Variants in GRIN3A observed in about 807,000 individuals in gnomAD.
The protein encoded by GRIN3A is glutamate ionotropic receptor NMDA type subunit 3A.
GRIN3A carries 47 observed loss-of-function variants against 92.4 expected under a neutral mutation model. The observed-to-expected ratio is 0.51, with a 90% CI of 0.40 to 0.65. The LOEUF is 0.65. Ranked by LOEUF, GRIN3A falls within the 30% of genes least tolerant of loss-of-function variation. The pLI is 0.00. For missense variants in GRIN3A, 1,324 were observed against 1,393.1 expected (o/e 0.95, Z 0.79); for synonymous variants, 527 against 540.6 (o/e 0.97, Z 0.35).
chr9:101,678,991 C>T (rs1438871396), intron 2 of GRIN3A, among the ~76,000 whole-genome samples: 1 of 152,170 alleles, frequency 6.6e-6, no homozygotes, highest in African/African-American at 2.4e-5. Context: ...TTGAACTGTT[C>T]CTGGTCACAC....
chr9:101,634,718 T>C (rs1828762191), intron 3 of GRIN3A, among the ~76,000 whole-genome samples: 1 of 152,184 alleles, frequency 6.6e-6, no homozygotes, highest in Non-Finnish European at 1.5e-5. Context: ...AATATATACC[T>C]ATCCAACTAA....
chr9:101,647,829 A>G (rs1473274828), intron 3 of GRIN3A, among the ~76,000 whole-genome samples: 1 of 151,784 alleles, frequency 6.6e-6, no homozygotes, highest in African/African-American at 2.4e-5. Context: ...TATCAGTTAC[A>G]ATGTCTCCTT....
At chr9:101,590,547 A>C (rs901312890) in intron 6 of GRIN3A, among the ~76,000 whole-genome samples, 3 of 151,810 alleles carry the variant, frequency 2.0e-5, no homozygotes, top group African/African-American at 4.8e-5. Context: ...ACGCCCAGCT[A>C]ATTTTTGTAT....
At chr9:101,625,130 T>G (rs1392647870) in intron 4 of GRIN3A, among the ~76,000 whole-genome samples, 1 of 152,214 alleles carries the variant, frequency 6.6e-6, no homozygotes, top group African/African-American at 2.4e-5. Flanking sequence ...TTCTATCTCA[T>G]GCGATGACTA....
At chr9:101,707,917 C>T (rs530620297) in intron 1 of GRIN3A, among the ~76,000 whole-genome samples, 1 of 152,230 alleles carries the variant, frequency 6.6e-6, no homozygotes, top group East Asian at 1.9e-4. Flanking sequence ...TTGCTCACTT[C>T]TCCCTTGATA....
chr9:101,605,422 G>A (rs1311976177), intron 6 of GRIN3A, among the ~76,000 whole-genome samples: 1 of 151,998 alleles, frequency 6.6e-6, no homozygotes, highest in Non-Finnish European at 1.5e-5. Context: ...ATTTTGATGT[G>A]GATGTTTTGA....
Position 101,670,409 on chromosome 9 carries a change from G to C in GRIN3A, c.2003C>G (p.Ala668Gly), listed in dbSNP as rs757280646. The change falls in exon 3 of 9, where the codon GCC (alanine) becomes GGC (glycine). Residue 668 changes from alanine (A) to glycine (G), a missense_variant. Transcript: ENST00000361820. ...RTRDTAAPIG[A>G]FMWPLHWTMW... Reference sequence around the variant, plus strand: ...TGTCCAGTGGAGTGGCCACATGAAGGCTCCAATGGGAGCTGCTGTATCTCG... The same window carrying C: ...TGTCCAGTGGAGTGGCCACATGAAGCCTCCAATGGGAGCTGCTGTATCTCG... 2.5e-6 allele frequency: 4 copies of C among 1,614,024 alleles called. No homozygotes were observed. Among genetic ancestry groups the C allele is most frequent in the East Asian group, 2.2e-5 (1 of 44,848 alleles).
At chr9:101,632,464 G>A (rs1466477224) in intron 3 of GRIN3A, among the ~76,000 whole-genome samples, 1 of 145,100 alleles carries the variant, frequency 6.9e-6, no homozygotes, top group East Asian at 2.0e-4. Flanking sequence ...CATAGTATAT[G>A]CTTGATAAAT....
chr9:101,613,926 G>A (rs1215401701), intron 5 of GRIN3A, among the ~76,000 whole-genome samples: 1 of 152,070 alleles, frequency 6.6e-6, no homozygotes, highest in Non-Finnish European at 1.5e-5. Flanking sequence ...TGTGGTTGAT[G>A]ACATTCTCTT....
chr9:101,704,911 G>A (rs1829794544), intron 1 of GRIN3A, among the ~76,000 whole-genome samples: 1 of 152,084 alleles, frequency 6.6e-6, no homozygotes, highest in Admixed American at 6.6e-5. Context: ...GTTGAGGAGC[G>A]TCTGTATTGG....
chr9:101,687,223 G>T, intron 1 of GRIN3A, 23 bp from the exon 2 acceptor site: 1 of 1,613,002 alleles, frequency 6.2e-7, no homozygotes, highest in African/African-American at 1.3e-5. Context: ...ATATGAAAAA[G>T]AAGAATTAGA....
chr9:101,620,860 T>G (rs1332344362), intron 5 of GRIN3A, among the ~76,000 whole-genome samples: 1 of 152,138 alleles, frequency 6.6e-6, no homozygotes, highest in African/African-American at 2.4e-5. Context: ...TGTCAAAGGA[T>G]AGCATATATT....
intron 1 of GRIN3A, among the ~76,000 whole-genome samples, chr9:101,734,107 T>C (rs935541596): frequency 1.3e-5 from 2 of 152,128 alleles, no homozygotes; most frequent in African/African-American, 4.8e-5. Context: ...TATATTTTTT[T>C]TAAAAAATGT....
At chr9:101,667,850 A>T (rs1367903973) in intron 3 of GRIN3A, among the ~76,000 whole-genome samples, 1 of 152,104 alleles carries the variant, frequency 6.6e-6, no homozygotes, top group African/African-American at 2.4e-5. Flanking sequence ...AACATTGCTT[A>T]GCTAAGTAAT....
At chr9:101,724,155 T>C (rs1830052091) in intron 1 of GRIN3A, among the ~76,000 whole-genome samples, 1 of 150,332 alleles carries the variant, frequency 6.7e-6, no homozygotes, top group African/African-American at 2.4e-5. Context: ...CTGGGCGCCA[T>C]GGAGCAGGGG....
chr9:101,641,655 A>T (rs1246908407), intron 3 of GRIN3A, among the ~76,000 whole-genome samples: 1 of 152,094 alleles, frequency 6.6e-6, no homozygotes, highest in African/African-American at 2.4e-5. Context: ...GGGGAGGGAT[A>T]GCATTAGGAG....
chr9:101,693,190 G>T (rs1829641452), intron 1 of GRIN3A, among the ~76,000 whole-genome samples: 1 of 151,278 alleles, frequency 6.6e-6, no homozygotes, highest in Non-Finnish European at 1.5e-5. Flanking sequence ...GATCACCTGA[G>T]GTCATGAGTT....
chr9:101,618,648 T>C (rs1307644762), intron 5 of GRIN3A, among the ~76,000 whole-genome samples: 2 of 152,088 alleles, frequency 1.3e-5, no homozygotes, highest in Admixed American at 6.5e-5. Context: ...AAACAAACTA[T>C]GCATATGGAA....
At chr9:101,604,280 G>C (rs1588244496) in intron 6 of GRIN3A, among the ~76,000 whole-genome samples, 1 of 152,300 alleles carries the variant, frequency 6.6e-6, no homozygotes, top group East Asian at 1.9e-4. Flanking sequence ...GGAAGCAAAA[G>C]AAAGAACGAA....
Sources: gnomAD v4.1 joint callset for allele counts (sites outside exome capture counted in the v4.1 genomes callset) on GRCh38, gnomAD v4.1.1 for gene constraint, MANE v1.5 for transcripts, NCBI Gene and HGNC (gene_info 2026-07-23, HGNC 2026-07-21) for gene names.